Variants in KCNIP4 observed in about 807,000 individuals in gnomAD.
KCNIP4 encodes the protein potassium voltage-gated channel interacting protein 4.
A neutral mutation model predicts 34.0 loss-of-function variants in KCNIP4; 12 were observed. That is an observed-to-expected ratio of 0.35 (90% CI 0.23 to 0.57). The LOEUF (loss-of-function observed/expected upper bound fraction) is 0.57, where lower values mean the gene tolerates loss of function less well. Ranked by LOEUF, KCNIP4 falls within the 20% of genes least tolerant of loss-of-function variation. KCNIP4 has a pLI of 0.83. For synonymous variants in KCNIP4, 124 were observed against 102.2 expected (o/e 1.21, Z -1.29); for missense variants, 238 against 311.7 (o/e 0.76, Z 1.78).
At chr4:21,399,725 C>T (rs370505689) in intron 1 of KCNIP4, among the ~76,000 whole-genome samples, 2 of 151,532 alleles carry the variant, frequency 1.3e-5, no homozygotes, top group Non-Finnish European at 2.9e-5. Context: ...GGCACGATCT[C>T]GGTTCAACCC....
intron 5 of KCNIP4, among the ~76,000 whole-genome samples, chr4:20,746,731 G>C (rs1752498732): frequency 6.6e-6 from 1 of 152,158 alleles, no homozygotes; most frequent in African/African-American, 2.4e-5. Flanking sequence ...TAGGGTCTCA[G>C]AGCCGCTGGG....
chr4:21,059,836 A>C (rs561119329), intron 1 of KCNIP4, among the ~76,000 whole-genome samples: 1 of 152,274 alleles, frequency 6.6e-6, no homozygotes, highest in African/African-American at 2.4e-5. Flanking sequence ...TTAACTGAGA[A>C]ATTATACAAC....
chr4:21,098,100 C>T (rs1038703665), intron 1 of KCNIP4, among the ~76,000 whole-genome samples: 2 of 152,090 alleles, frequency 1.3e-5, no homozygotes, highest in South Asian at 4.1e-4. Flanking sequence ...AAAGTCAAAT[C>T]CAGAATAAAG....
chr4:21,653,584 T>C (rs1302519318), intron 1 of KCNIP4, among the ~76,000 whole-genome samples: 1 of 152,214 alleles, frequency 6.6e-6, no homozygotes, highest in Non-Finnish European at 1.5e-5. Flanking sequence ...GTGATATGTG[T>C]AATGCTAGTT....
chr4:21,374,943 A>G (rs190020329), intron 1 of KCNIP4, among the ~76,000 whole-genome samples: 4 of 147,676 alleles, frequency 2.7e-5, no homozygotes, highest in Admixed American at 2.6e-4. Context: ...CCCTAATGAC[A>G]GAAGAAATAC....
At chr4:20,989,716 C>T (rs1274840661) in intron 1 of KCNIP4, among the ~76,000 whole-genome samples, 1 of 152,108 alleles carries the variant, frequency 6.6e-6, no homozygotes, top group Non-Finnish European at 1.5e-5. Context: ...TGCCTGTAAT[C>T]CTAGCACTTT....
chr4:21,884,660 G>A (rs1279795457), intron 1 of KCNIP4, among the ~76,000 whole-genome samples: 1 of 152,134 alleles, frequency 6.6e-6, no homozygotes, highest in East Asian at 1.9e-4. Flanking sequence ...AATCCATTAA[G>A]CAGGTGATCT....
At chr4:21,192,227 T>TGTGA (rs1755702364) in intron 1 of KCNIP4, among the ~76,000 whole-genome samples, 1 of 152,232 alleles carries the variant, frequency 6.6e-6, no homozygotes, top group African/African-American at 2.4e-5. Context: ...GCTTTAATTC[T>TGTGA]AGGATGCCAT....
At chr4:20,850,982 A>G (rs1030644207) in intron 2 of KCNIP4, among the ~76,000 whole-genome samples, 4 of 152,132 alleles carry the variant, frequency 2.6e-5, no homozygotes, top group African/African-American at 9.7e-5. Context: ...CGTCAAACAA[A>G]AAGTTTAAGT....
chr4:21,137,115 G>A (rs551555947), intron 1 of KCNIP4, among the ~76,000 whole-genome samples: 2 of 152,216 alleles, frequency 1.3e-5, no homozygotes, highest in South Asian at 4.1e-4. Flanking sequence ...GAACAAGAGG[G>A]ATTAGGGTTG....
At chr4:21,597,173 T>A (rs529514690) in intron 1 of KCNIP4, among the ~76,000 whole-genome samples, 7 of 152,048 alleles carry the variant, frequency 4.6e-5, no homozygotes, top group Admixed American at 1.3e-4. Context: ...TGGTGGGAGA[T>A]AATTGCATCA....
intron 1 of KCNIP4, among the ~76,000 whole-genome samples, chr4:21,472,306 G>A (rs966875731): frequency 1.3e-5 from 2 of 152,004 alleles, no homozygotes; most frequent in Non-Finnish European, 2.9e-5. Flanking sequence ...GAGATCGTAG[G>A]AGATGGTAGA....
chr4:21,707,499 G>A (rs79257797), intron 1 of KCNIP4, among the ~76,000 whole-genome samples: 2,655 of 152,114 alleles, frequency 0.017, 78 homozygotes, highest in African/African-American at 0.053. Context: ...TGACATATGT[G>A]TAGATTTTGG....
intron 1 of KCNIP4, among the ~76,000 whole-genome samples, chr4:20,960,809 G>A (rs1212304603): frequency 6.6e-6 from 1 of 152,094 alleles, no homozygotes; most frequent in Non-Finnish European, 1.5e-5. Context: ...AGGTAATGAG[G>A]TACTATTAAG....
chr4:21,810,689 CAAAAAAAAAAAAA>C (rs397992521), intron 1 of KCNIP4, among the ~76,000 whole-genome samples: 5 of 107,578 alleles, frequency 4.6e-5, no homozygotes, highest in African/African-American at 1.7e-4. Context: ...GACTCCGTCT[CAAAAAAAAAAAAA>C]AAAAAAAAAA....
At chr4:20,800,434 A>T (rs1714080087) in intron 3 of KCNIP4, among the ~76,000 whole-genome samples, 1 of 152,224 alleles carries the variant, frequency 6.6e-6, no homozygotes, top group African/African-American at 2.4e-5. Flanking sequence ...ACTGACCCCA[A>T]TGAAATGGAA....
At chr4:21,344,492 G>C (rs1717092589) in intron 1 of KCNIP4, among the ~76,000 whole-genome samples, 1 of 152,022 alleles carries the variant, frequency 6.6e-6, no homozygotes, top group African/African-American at 2.4e-5. Flanking sequence ...GAAACAGTGG[G>C]GCAGATAAAT....
At chr4:21,349,038 A>G (rs1420184421) in intron 1 of KCNIP4, among the ~76,000 whole-genome samples, 1 of 152,220 alleles carries the variant, frequency 6.6e-6, no homozygotes, top group Non-Finnish European at 1.5e-5. Flanking sequence ...AGGAGATTAA[A>G]TAAGATATGG....
At chr4:21,724,513 G>A (rs11942569) in intron 1 of KCNIP4, among the ~76,000 whole-genome samples, 61,156 of 151,254 alleles carry the variant, frequency 0.4, 14,603 homozygotes, top group East Asian at 0.67. Context: ...TGTTGCTTGC[G>A]GAGCAATTCA....
Sources: allele counts gnomAD v4.1 joint callset (sites outside exome capture counted in the v4.1 genomes callset), GRCh38; gene constraint gnomAD v4.1.1; transcripts MANE v1.5; gene names NCBI Gene and HGNC (gene_info 2026-07-23, HGNC 2026-07-21).